Variants in MED17 observed in about 807,000 individuals in gnomAD.
MED17 encodes the protein mediator complex subunit 17.
Under a neutral mutation model 80.8 loss-of-function variants are expected in MED17, and 49 were observed. The ratio of observed to expected loss-of-function variants is 0.61; its 90% CI spans 0.48 to 0.77. The LOEUF (loss-of-function observed/expected upper bound fraction) is 0.77, where lower values mean the gene tolerates loss of function less well. Among genes scored for constraint, MED17 ranks in the 30% least tolerant of loss-of-function variants. MED17 has a pLI of 0.00. For synonymous variants in MED17, 281 were observed against 280.4 expected, an observed-to-expected ratio of 1.00 and a Z score of -0.02; for missense variants, 718 against 787.0, an observed-to-expected ratio of 0.91 and a Z score of 1.05.
intron 1 of MED17, among the ~76,000 whole-genome samples, chr11:93,787,000 G>T (rs775021536): frequency 2.0e-5 from 3 of 152,040 alleles, no homozygotes; most frequent in Non-Finnish European, 4.4e-5. Context: ...GAATTAAGTA[G>T]ACTCATAAGT....
In MED17 at chr11:93,788,412, T is replaced by C. The variant is rs185223048; in HGVS notation, c.417+245T>C. The C allele has an allele frequency of 1.9e-3, 679 of 365,466 alleles. 6 individuals are homozygous for C. The highest frequency in any genetic ancestry group is 0.013 in the African/African-American group (629 of 47,370). The allele number at this position is 365,466 out of a possible 1,614,324, so 22.6% of individuals were successfully genotyped here. ...GTAATACCTTTAAGGCCAGGCGTGG[T>C]GGCTCACGCCTGTAATCCCAGCACT... On this transcript the variant is annotated intron_variant, in intron 2 of 11. Transcript: ENST00000251871.
intron 5 of MED17, chr11:93,794,678 A>G (rs1394150915): frequency 1.7e-6 from 1 of 575,458 alleles, no homozygotes; most frequent in African/African-American, 1.9e-5. Flanking sequence ...CTCTTCAGGA[A>G]TGAAAGATTG....
In MED17 at chr11:93,805,358, G is replaced by C. The variant is rs539520056; in HGVS notation, c.1467-2160G>C. On this transcript the variant is annotated intron_variant, in intron 9 of 11. Coordinates refer to ENST00000251871, the MANE Select transcript of MED17 (RefSeq NM_004268.5). ...TGCCTGTATCCCCAGCATTTTGGGC[G>C]GAGCACTTGAGGCCAGGAGTTCAAG... 5.3e-5 allele frequency among the ~76,000 whole-genome samples: 8 copies of C among 152,166 alleles called. No homozygotes were observed. In the South Asian group the frequency reaches 6.2e-4, roughly 12 times the overall value.
At chr11:93,809,663 G>A in intron 10 of MED17, 54 bp from the exon 11 acceptor site, 1 of 1,587,366 alleles carries the variant, frequency 6.3e-7, no homozygotes, top group Admixed American at 1.7e-5. Flanking sequence ...GTGATGTTAA[G>A]TCACTGCAGA....
Position 93,797,457 on chromosome 11 carries a change from T to C in MED17, c.1144-78T>C, listed in dbSNP as rs367597254. The C allele has an allele frequency of 3.2e-4, 441 of 1,364,266 alleles. 2 individuals carry two copies. In the African/African-American group the frequency reaches 5.2e-3, roughly 16 times the overall value. 84.5% of individuals were successfully genotyped at this position (1,364,266 alleles called of 1,614,324 possible). A position where few individuals can be genotyped will look rare whatever the true frequency, so the allele number is the denominator to read the frequency against. The stretch of plus-strand genomic sequence containing the variant: ...TCAAATCCATTCCTTTCAGTGTTTC[T>C]GTCAACCATGTTTTGACTAAATATT... On this transcript the variant is annotated intron_variant, in intron 7 of 11. Coordinates refer to ENST00000251871, the MANE Select transcript of MED17 (RefSeq NM_004268.5).
intron 10 of MED17, 93 bp from the exon 11 acceptor site, chr11:93,809,624 G>A: frequency 7.5e-7 from 1 of 1,324,610 alleles, no homozygotes; most frequent in Non-Finnish European, 1.1e-6. Context: ...TAGTCAGTGA[G>A]CACCCCAACA....
chr11:93,795,949 G>GT (rs879690032), intron 6 of MED17: 2,178 of 152,502 alleles, frequency 0.014, 4 homozygotes, highest in East Asian at 0.04. Context: ...TTCATGAATA[G>GT]TTTTTTTTTT....
At chr11:93,804,054 C>CAT (rs1943998757) in intron 9 of MED17, among the ~76,000 whole-genome samples, 1 of 147,794 alleles carries the variant, frequency 6.8e-6, no homozygotes, top group Non-Finnish European at 1.5e-5. Flanking sequence ...CACGCACACA[C>CAT]ACACACATAA....
chr11:93,788,884 T>C (rs1032012584), intron 2 of MED17: 3 of 152,158 alleles, frequency 2.0e-5, no homozygotes, highest in African/African-American at 7.2e-5. Context: ...TTCTCTTAAG[T>C]CCCTGTTTTT....
chr11:93,804,187 A>G (rs1362597765), intron 9 of MED17, among the ~76,000 whole-genome samples: 1 of 151,868 alleles, frequency 6.6e-6, no homozygotes, highest in East Asian at 1.9e-4. Context: ...TCTGTTGTTC[A>G]AGGGCAAGAA....
chr11:93,797,610 C>CT lies in MED17; in HGVS notation c.1222dup (p.Ser408PhefsTer7). The CT allele has an allele frequency of 6.2e-7, 1 of 1,614,024 alleles. No individual in the cohort carries two copies. Among genetic ancestry groups the CT allele is most frequent in the Non-Finnish European group, 8.5e-7 (1 of 1,179,920 alleles). ...ACCTTTTGGCCACAAGAGAATGAGA[C>CT]TTTCGGGTCCTCAAGCTTTTGATAA... On this transcript the variant is annotated frameshift_variant, in exon 8 of 12. Transcript: ENST00000251871. LOFTEE classifies it high-confidence loss of function.
At position 93,801,966 on chromosome 11, in the gene MED17, T is replaced by TA; in HGVS notation, c.1461dup (p.Cys488MetfsTer13). 6.2e-7 allele frequency: 1 copy of TA among 1,611,774 alleles called. No homozygotes were observed. Among genetic ancestry groups the TA allele is most frequent in the Non-Finnish European group, 8.5e-7 (1 of 1,179,428 alleles). Reference sequence around the variant, plus strand: ...ATCACATCACAAGGCTATGAACAAATATGCAAGTAAGTGGCCAAAATAAAA... The same window carrying TA: ...ATCACATCACAAGGCTATGAACAAATAATGCAAGTAAGTGGCCAAAATAAAA... On this transcript the variant is annotated frameshift_variant, in exon 9 of 12. Coordinates refer to ENST00000251871, the MANE Select transcript of MED17 (RefSeq NM_004268.5). LOFTEE classifies it high-confidence loss of function.
chr11:93,811,834 T>C lies in MED17; in HGVS notation c.1745-19T>C. On this transcript the variant is annotated intron_variant, in intron 11 of 11. Transcript: ENST00000251871. ...TTTGGTAAACTAGAGTGTATTGATA[T>C]TTTGGTTTTTCTCCACAGTTCGTAA... The C allele has an allele frequency of 6.2e-7, 1 of 1,605,518 alleles. No homozygotes were observed. The highest frequency in any genetic ancestry group is 8.5e-7 in the Non-Finnish European group (1 of 1,172,182).
chr11:93,809,920 G>A (rs1263222062), intron 11 of MED17, 44 bp downstream of exon 11: 2 of 1,602,744 alleles, frequency 1.2e-6, no homozygotes, highest in Non-Finnish European at 1.7e-6. Context: ...TTGGGAGTTT[G>A]GCTTTAACAT....
intron 8 of MED17, among the ~76,000 whole-genome samples, 169 bp downstream of exon 8, chr11:93,797,888 A>G (rs1353579937): frequency 6.6e-6 from 1 of 152,174 alleles, no homozygotes; most frequent in African/African-American, 2.4e-5. Context: ...AGTCTGGGGA[A>G]GACTTAGATC....
At chr11:93,798,485 T>G (rs1295340824) in intron 8 of MED17, among the ~76,000 whole-genome samples, 1 of 152,208 alleles carries the variant, frequency 6.6e-6, no homozygotes, top group African/African-American at 2.4e-5. Context: ...ATTTCCAGTT[T>G]TTTTCTTGTT....
chr11:93,803,995 G>GTATATATGTATA (rs1565293186), intron 9 of MED17, among the ~76,000 whole-genome samples: 1 of 2,936 alleles, frequency 3.4e-4, no homozygotes, highest in Non-Finnish European at 2.7e-3. Context: ...GTATATATGT[G>GTATATATGTATA]TGTGTATATA....
At chr11:93,809,898 G>T (rs1944068934) in intron 11 of MED17, 22 bp downstream of exon 11, 2 of 1,613,926 alleles carry the variant, frequency 1.2e-6, no homozygotes, top group East Asian at 2.2e-5. Flanking sequence ...TGCTTTGAAT[G>T]AGAAGGGACC....
chr11:93,797,250 G>A lies in MED17; in HGVS notation c.1144-285G>A, dbSNP rs562294685. ...TTCAAAAGCATGATTGGGCTTTCAT[G>A]CTTATGCATGAGTTGTGACTCCCTC... On this transcript the variant is annotated intron_variant, in intron 7 of 11. Coordinates refer to ENST00000251871, the MANE Select transcript of MED17 (RefSeq NM_004268.5). 9 of 364,368 alleles carry A rather than the reference G, an allele frequency of 2.5e-5. No homozygotes were observed. The South Asian group carries it at 3.3e-4, about 13-fold the overall frequency. 22.6% of individuals were successfully genotyped at this position (364,368 alleles called of 1,614,324 possible).
Sources: gnomAD v4.1 joint callset for allele counts (sites outside exome capture counted in the v4.1 genomes callset) on GRCh38, gnomAD v4.1.1 for gene constraint, MANE v1.5 for transcripts, NCBI Gene and HGNC (gene_info 2026-07-23, HGNC 2026-07-21) for gene names.